GRM1: variants seen among roughly 807,000 people sequenced by gnomAD.
GRM1 encodes glutamate metabotropic receptor 1.
A neutral mutation model predicts 90.9 loss-of-function variants in GRM1; 33 were observed. The observed-to-expected ratio is 0.36, with a 90% CI of 0.28 to 0.49. The LOEUF is 0.49. GRM1 is among the 20% of genes least tolerant of loss of function. The pLI is 0.99. For synonymous variants in GRM1, 700 were observed against 613.2 expected, an observed-to-expected ratio of 1.14 and a Z score of -2.09; for missense variants, 1,190 against 1,534.3, an observed-to-expected ratio of 0.78 and a Z score of 3.75.
At chr6:146,180,608 T>A (rs1352086384) in intron 2 of GRM1, among the ~76,000 whole-genome samples, 2 of 152,210 alleles carry the variant, frequency 1.3e-5, no homozygotes, top group East Asian at 3.8e-4. Context: ...CTTCTCTTTG[T>A]CATATAGGTT....
At position 146,029,121 on chromosome 6, in the gene GRM1, A is replaced by C; in HGVS notation, c.-397A>C. 3.3e-6 allele frequency: 1 copy of C among 307,380 alleles called. No individual in the cohort carries two copies. The highest frequency in any genetic ancestry group is 6.3e-6 in the Non-Finnish European group (1 of 159,212). The allele number at this position is 307,380 out of a possible 1,614,324, so 19.0% of individuals were successfully genotyped here. ...AAATGAAACGGACAAGGCAACTGTT[A>C]ACATTATAGACCCCAGAGTTTTAAC... On this transcript the variant is annotated 5_prime_UTR_variant, in exon 1 of 8. Coordinates refer to ENST00000282753, the MANE Select transcript of GRM1 (RefSeq NM_001278064.2).
chr6:146,434,842 C>T lies in GRM1; in HGVS notation c.*46C>T, dbSNP rs968610163. The T allele has an allele frequency of 3.3e-6, 5 of 1,495,180 alleles. No individual in the cohort carries two copies. In the Admixed American group the frequency reaches 8.4e-5, roughly 25 times the overall value. 92.6% of individuals were successfully genotyped at this position (1,495,180 alleles called of 1,614,324 possible). A position where few individuals can be genotyped will look rare whatever the true frequency, so the allele number is the denominator to read the frequency against. ...AAAGCAAGACAAGCCAGAGATCTCCCACACCTCCAGAGATGTGCAAACAGC... is the reference window on the plus strand; with the variant it reads ...AAAGCAAGACAAGCCAGAGATCTCCTACACCTCCAGAGATGTGCAAACAGC... On this transcript the variant is annotated 3_prime_UTR_variant, in exon 8 of 8. Coordinates refer to ENST00000282753, the MANE Select transcript of GRM1 (RefSeq NM_001278064.2).
intron 1 of GRM1, among the ~76,000 whole-genome samples, chr6:146,120,607 G>A (rs746584280): frequency 2.6e-5 from 4 of 152,238 alleles, no homozygotes; most frequent in African/African-American, 9.6e-5. Flanking sequence ...TTTGAGATAC[G>A]TCCCATCAAT....
chr6:146,399,445 G>T lies in GRM1; in HGVS notation c.2406G>T (p.Val802=). 2 of 1,614,146 alleles carry T rather than the reference G, an allele frequency of 1.2e-6. No homozygotes were observed. Among genetic ancestry groups the T allele is most frequent in the Non-Finnish European group, 1.7e-6 (2 of 1,180,030 alleles). Reference sequence around the variant, plus strand: ...CCTGTATCATCTGGCTAGCTTTTGTGCCCATTTACTTTGGGAGCAACTACA... The same window carrying T: ...CCTGTATCATCTGGCTAGCTTTTGTTCCCATTTACTTTGGGAGCAACTACA... The part of the protein sequence containing the change: ...YTTCIIWLAF[V]PIYFGSNYKI... The change falls in exon 7 of 8, where the codon GTG becomes GTT. Residue 802 remains valine, a synonymous_variant. Coordinates refer to ENST00000282753, the MANE Select transcript of GRM1 (RefSeq NM_001278064.2). The surrounding 1 kb of genome is among the most constrained non-coding windows in gnomAD (Gnocchi z 5.4).
At chr6:146,204,927 C>T (rs1368311368) in intron 2 of GRM1, among the ~76,000 whole-genome samples, 1 of 152,178 alleles carries the variant, frequency 6.6e-6, no homozygotes, top group Non-Finnish European at 1.5e-5. Flanking sequence ...TCCTCACATT[C>T]TATGAGGACA....
chr6:146,288,225 A>C (rs1328492622), intron 2 of GRM1, among the ~76,000 whole-genome samples: 3 of 152,150 alleles, frequency 2.0e-5, no homozygotes, highest in South Asian at 2.1e-4. Context: ...GAGAATACCC[A>C]AGTCATCATG....
intron 2 of GRM1, among the ~76,000 whole-genome samples, chr6:146,242,702 G>A (rs566660239): frequency 1.3e-5 from 2 of 152,022 alleles, no homozygotes; most frequent in East Asian, 1.9e-4. Flanking sequence ...ATGAACAGTG[G>A]GTAGCTTCCA....
At chr6:146,258,071 G>T (rs922884556) in intron 2 of GRM1, among the ~76,000 whole-genome samples, 1 of 151,990 alleles carries the variant, frequency 6.6e-6, no homozygotes, top group Non-Finnish European at 1.5e-5. Context: ...AGTTACTGTT[G>T]TATGAGCAAT....
intron 7 of GRM1, chr6:146,426,770 A>G (rs1778227354): frequency 1.6e-6 from 1 of 630,100 alleles, no homozygotes; most frequent in Non-Finnish European, 2.9e-6. Flanking sequence ...TTTACGTGCC[A>G]TGGTTTGCAC....
chr6:146,368,811 T>C (rs1050389549), intron 5 of GRM1, among the ~76,000 whole-genome samples: 1 of 152,068 alleles, frequency 6.6e-6, no homozygotes, highest in Non-Finnish European at 1.5e-5. Flanking sequence ...GTAGCTTTCT[T>C]TTTTGTTGTG....
At chr6:146,336,035 C>T (rs569868439) in intron 3 of GRM1, among the ~76,000 whole-genome samples, 1 of 152,186 alleles carries the variant, frequency 6.6e-6, no homozygotes. Flanking sequence ...ATTGTAAGGC[C>T]TCCTCAGCCA....
At chr6:146,354,445 A>T (rs1343832560) in intron 4 of GRM1, among the ~76,000 whole-genome samples, 1 of 150,470 alleles carries the variant, frequency 6.6e-6, no homozygotes, top group Non-Finnish European at 1.5e-5. Context: ...CACTTCATGT[A>T]TTCAAGTTTA....
intron 2 of GRM1, among the ~76,000 whole-genome samples, chr6:146,192,765 T>A (rs1340559426): frequency 6.6e-6 from 1 of 152,220 alleles, no homozygotes; most frequent in East Asian, 1.9e-4. Context: ...GTGAATTGTA[T>A]GTACTAGCAA....
intron 1 of GRM1, among the ~76,000 whole-genome samples, chr6:146,149,273 C>T (rs1430362949): frequency 6.6e-6 from 1 of 152,104 alleles, no homozygotes; most frequent in South Asian, 2.1e-4. Context: ...TTTCTTTGTG[C>T]AAGTGTGGCA....
At chr6:146,274,848 T>C (rs1041854163) in intron 2 of GRM1, among the ~76,000 whole-genome samples, 1 of 152,098 alleles carries the variant, frequency 6.6e-6, no homozygotes, top group African/African-American at 2.4e-5. Flanking sequence ...AAGAAGTTAA[T>C]GTCCAGACAG....
At chr6:146,280,525 C>T (rs906590087) in intron 2 of GRM1, among the ~76,000 whole-genome samples, 1 of 152,074 alleles carries the variant, frequency 6.6e-6, no homozygotes, top group South Asian at 2.1e-4. Context: ...ACGCTATGGG[C>T]CCAGAATTGT....
intron 1 of GRM1, among the ~76,000 whole-genome samples, chr6:146,043,917 T>C (rs1791226169): frequency 6.6e-6 from 1 of 151,394 alleles, no homozygotes; most frequent in South Asian, 2.1e-4. Flanking sequence ...CTGTGGAAAC[T>C]GGAGGTATCT....
chr6:146,171,550 C>T (rs980948364), intron 2 of GRM1: 1 of 228,816 alleles, frequency 4.4e-6, no homozygotes, highest in Non-Finnish European at 9.7e-6. Context: ...TAATTGGAAG[C>T]TTCACTAGAT....
chr6:146,394,355 A>T (rs372393017), intron 6 of GRM1, among the ~76,000 whole-genome samples: 4 of 152,272 alleles, frequency 2.6e-5, no homozygotes, highest in African/African-American at 9.6e-5. Flanking sequence ...ATGAACTCAG[A>T]TTTTTATAGC....
Sources: allele counts gnomAD v4.1 joint callset (sites outside exome capture counted in the v4.1 genomes callset), GRCh38; gene constraint gnomAD v4.1.1; non-coding constraint Gnocchi (gnomAD v3.1); transcripts MANE v1.5; gene names NCBI Gene and HGNC (gene_info 2026-07-23, HGNC 2026-07-21).